The following NAALAD2 variants were observed in gnomAD, a reference collection of about 807,000 sequenced individuals.
The protein encoded by NAALAD2 is N-acetylated alpha-linked acidic dipeptidase 2.
NAALAD2 carries 89 observed loss-of-function variants against 95.6 expected under a neutral mutation model. The ratio of observed to expected loss-of-function variants is 0.93; its 90% CI spans 0.78 to 1.11. The LOEUF (loss-of-function observed/expected upper bound fraction) is 1.11. NAALAD2 is among the 50% of genes least tolerant of loss of function. The probability of loss-of-function intolerance (pLI) is 0.00; values close to 1 mark genes in which losing one functional copy is unlikely to be tolerated. For missense variants in NAALAD2, 894 were observed against 872.4 expected (o/e 1.02, Z -0.31); for synonymous variants, 264 against 294.4 (o/e 0.90, Z 1.06).
intron 11 of NAALAD2, among the ~76,000 whole-genome samples, chr11:90,168,068 A>G (rs550267694): frequency 6.6e-6 from 1 of 152,258 alleles, no homozygotes; most frequent in African/African-American, 2.4e-5. Flanking sequence ...ATGAGCTGTA[A>G]CACTCACCTT....
At chr11:90,134,522 G>C, upstream of NAALAD2, 1 of 532,330 alleles carries the variant, frequency 1.9e-6, no homozygotes, top group Non-Finnish European at 3.4e-6. Flanking sequence ...GGGATCCACA[G>C]AATGGAAGTT....
chr11:90,155,670 G>GTATGTATGTAATACATACATACA (rs1200710406), intron 6 of NAALAD2, among the ~76,000 whole-genome samples: 2 of 42,148 alleles, frequency 4.7e-5, no homozygotes, highest in Non-Finnish European at 7.4e-5. Context: ...TATTATTATT[G>GTATGTATGTAATACATACATACA]TATGTATGTA....
At chr11:90,180,302 C>T (rs1952922439) in intron 16 of NAALAD2, among the ~76,000 whole-genome samples, 1 of 152,078 alleles carries the variant, frequency 6.6e-6, no homozygotes, top group Non-Finnish European at 1.5e-5. Flanking sequence ...GCATTCTTTC[C>T]TCATAGTTTC....
intron 18 of NAALAD2, 70 bp from the exon 19 acceptor site, chr11:90,191,488 G>A (rs1487522812): frequency 2.1e-5 from 24 of 1,137,572 alleles, no homozygotes; most frequent in Non-Finnish European, 2.7e-5. Flanking sequence ...ACATCATGTG[G>A]TCTAAACAAA....
At chr11:90,161,725 T>C (rs1952304692) in intron 8 of NAALAD2, among the ~76,000 whole-genome samples, 1 of 152,302 alleles carries the variant, frequency 6.6e-6, no homozygotes, top group East Asian at 1.9e-4. Flanking sequence ...TCAATTTTTT[T>C]CATTCCTCAT....
At chr11:90,191,193 T>G (rs952743149) in intron 18 of NAALAD2, among the ~76,000 whole-genome samples, 1 of 152,092 alleles carries the variant, frequency 6.6e-6, no homozygotes, top group Non-Finnish European at 1.5e-5. Context: ...AACACAAAAA[T>G]AAATTATCTT....
At chr11:90,164,632 G>T (rs1438545120) in intron 11 of NAALAD2, among the ~76,000 whole-genome samples, 2 of 152,074 alleles carry the variant, frequency 1.3e-5, no homozygotes, top group Non-Finnish European at 2.9e-5. Flanking sequence ...GAGCTTTACA[G>T]TAGCTATGTG....
At chr11:90,191,458 A>G in intron 18 of NAALAD2, 100 bp from the exon 19 acceptor site, 1 of 772,900 alleles carries the variant, frequency 1.3e-6, no homozygotes, top group Non-Finnish European at 1.9e-6. Context: ...TATAGGAACA[A>G]AAGTGAGTAT....
chr11:90,178,312 T>A (rs548401891), intron 16 of NAALAD2, among the ~76,000 whole-genome samples, 195 bp downstream of exon 16: 1 of 152,294 alleles, frequency 6.6e-6, no homozygotes, highest in East Asian at 1.9e-4. Context: ...AATGAATCCA[T>A]TATGGCTGAG....
In NAALAD2 at chr11:90,155,422, T is replaced by C. The variant is rs1297345797; in HGVS notation, c.797-2723T>C. Among the ~76,000 whole-genome samples, 36 of 104,404 alleles carry C rather than the reference T, an allele frequency of 3.4e-4. 1 individual carries two copies. The highest frequency in any genetic ancestry group is 5.3e-4 in the Non-Finnish European group (31 of 58,436). The allele number at this position is 104,404 out of a possible 152,430, so 68.5% of individuals were successfully genotyped here. On this transcript the variant is annotated intron_variant, in intron 6 of 18. Coordinates refer to ENST00000534061, the MANE Select transcript of NAALAD2 (RefSeq NM_005467.4). ...AATATATATAATGTAATATTACATA[T>C]TATACATGTAATATATAATATATAA...
intron 16 of NAALAD2, among the ~76,000 whole-genome samples, chr11:90,179,746 T>C (rs969478529): frequency 2.1e-4 from 31 of 150,952 alleles, no homozygotes; most frequent in Non-Finnish European, 4.6e-4. Context: ...TCAGTTTTTA[T>C]AAGTCAGGGT....
intron 17 of NAALAD2, among the ~76,000 whole-genome samples, chr11:90,182,222 T>C (rs117617658): frequency 0.038 from 5,767 of 152,250 alleles, 152 homozygotes; most frequent in Non-Finnish European, 0.056. Flanking sequence ...ACATTGAAAA[T>C]AGTTTCAAAG....
In NAALAD2 at chr11:90,134,711, G is replaced by C; in HGVS notation, c.-48G>C. The C allele has an allele frequency of 6.3e-7, 1 of 1,590,324 alleles. No individual in the cohort carries two copies. Among genetic ancestry groups the C allele is most frequent in the South Asian group, 1.1e-5 (1 of 90,468 alleles). On this transcript the variant is annotated 5_prime_UTR_variant, in exon 1 of 19. Coordinates refer to ENST00000534061, the MANE Select transcript of NAALAD2 (RefSeq NM_005467.4). ...GCGCTCTCTGTTTCTCTGCAGCCCC[G>C]AAGCTCGCGAATGTAGCAGGCGCCC... is the stretch of plus-strand genomic sequence containing the variant.
intron 3 of NAALAD2, among the ~76,000 whole-genome samples, chr11:90,148,250 A>C (rs1310509436): frequency 6.6e-6 from 1 of 152,170 alleles, no homozygotes; most frequent in African/African-American, 2.4e-5. Context: ...GTAAAAGATA[A>C]TAAAGTTTTA....
intron 6 of NAALAD2, among the ~76,000 whole-genome samples, chr11:90,157,907 G>A (rs955597410): frequency 6.6e-6 from 1 of 152,096 alleles, no homozygotes; most frequent in Non-Finnish European, 1.5e-5. Context: ...TTTCAGTAGA[G>A]ACGGGGTTTC....
intron 18 of NAALAD2, 42 bp downstream of exon 18, chr11:90,183,050 A>G: frequency 7.0e-7 from 1 of 1,431,224 alleles, no homozygotes; most frequent in Non-Finnish European, 9.8e-7. Context: ...TGTGACCAAA[A>G]CCAGCATACC....
chr11:90,141,302 A>G (rs937994064), intron 2 of NAALAD2, among the ~76,000 whole-genome samples: 1 of 152,212 alleles, frequency 6.6e-6, no homozygotes, highest in African/African-American at 2.4e-5. Flanking sequence ...CATTAATCCT[A>G]TAGAGCTATT....
At position 90,168,978 on chromosome 11, in the gene NAALAD2, A is replaced by G. The variant is rs763644365; in HGVS notation, c.1328A>G (p.Asp443Gly). ...QERSIAYINSDSSIEGNYTLR... is the reference protein window; with the variant it reads ...QERSIAYINSGSSIEGNYTLR... ...AGAAGCATTGCTTATATCAACTCGGATTCATCTATAGAAGGTAAATTTTAT... is the reference window on the plus strand; with the variant it reads ...AGAAGCATTGCTTATATCAACTCGGGTTCATCTATAGAAGGTAAATTTTAT... Residue 443 changes from aspartate (D) to glycine (G), a missense_variant, in exon 12 of 19, where the codon GAT becomes GGT. Physicochemically the swap from Asp to Gly is moderately conservative, Grantham distance 94 (BLOSUM62 -1). Transcript: ENST00000534061. 10 of 1,603,802 alleles carry G rather than the reference A, an allele frequency of 6.2e-6. No individual in the cohort carries two copies. Among genetic ancestry groups the G allele is most frequent in the Non-Finnish European group, 8.5e-6 (10 of 1,176,696 alleles).
chr11:90,150,717 C>CTTT (rs777391234), intron 5 of NAALAD2, 110 bp downstream of exon 5: 524 of 944,840 alleles, frequency 5.5e-4, no homozygotes, highest in East Asian at 1.4e-3. Context: ...CATTTCTTTT[C>CTTT]TTTTTTTCTT....
Sources: gnomAD v4.1 joint callset for allele counts (sites outside exome capture counted in the v4.1 genomes callset) on GRCh38, gnomAD v4.1.1 for gene constraint, MANE v1.5 for transcripts, NCBI Gene and HGNC (gene_info 2026-07-23, HGNC 2026-07-21) for gene names.